Variants in NWD2 observed in about 807,000 individuals in gnomAD.
NWD2 encodes NACHT and WD repeat domain-containing protein 2.
In NWD2, 37 loss-of-function variants were observed where a neutral mutation model predicts 132.7. The observed-to-expected ratio is 0.28, with a 90% CI of 0.21 to 0.37. The LOEUF (loss-of-function observed/expected upper bound fraction) is 0.37, where lower values mean the gene tolerates loss of function less well. NWD2 is among the 10% of genes least tolerant of loss of function. The pLI is 1.00. For missense variants in NWD2, 1,592 were observed against 2,122.4 expected (o/e 0.75, Z 4.91); for synonymous variants, 705 against 803.0 (o/e 0.88, Z 2.06).
At position 37,279,712 on chromosome 4, in the gene NWD2, A is replaced by G. The variant is rs181413806; in HGVS notation, c.151+34494A>G. On this transcript the variant is annotated intron_variant, in intron 1 of 6. Transcript: ENST00000309447. The stretch of plus-strand genomic sequence containing the variant: ...TTACATGCAGATTATATTATCACCT[A>G]TAGCTAAGCCTAAACATTAACTCTA... Among the ~76,000 whole-genome samples the G allele has an allele frequency of 2.6e-5, 4 of 152,340 alleles. No individual in the cohort carries two copies. The East Asian group carries it at 7.7e-4, about 29-fold the overall frequency.
At chr4:37,362,477 G>A (rs542280777) in intron 3 of NWD2, among the ~76,000 whole-genome samples, 2 of 152,158 alleles carry the variant, frequency 1.3e-5, no homozygotes, top group Non-Finnish European at 2.9e-5. Flanking sequence ...CGGACACATA[G>A]ACAAATGGAA....
intron 3 of NWD2, among the ~76,000 whole-genome samples, chr4:37,376,653 A>G (rs1446109058): frequency 2.0e-5 from 3 of 152,168 alleles, no homozygotes; most frequent in East Asian, 3.9e-4. Context: ...CCATTTCCTC[A>G]TCTTTATTGA....
chr4:37,364,022 C>T (rs950676120), intron 3 of NWD2, among the ~76,000 whole-genome samples: 19 of 151,384 alleles, frequency 1.3e-4, no homozygotes, highest in African/African-American at 4.4e-4. Context: ...ATCCCAGCTA[C>T]TCGGGAGGCT....
chr4:37,430,843 G>A (rs1255400445), intron 4 of NWD2, 68 bp downstream of exon 4: 14 of 1,385,562 alleles, frequency 1.0e-5, no homozygotes, highest in African/African-American at 2.9e-5. Flanking sequence ...TATGTCATCC[G>A]GGGTGGTGCT....
rs528896195 is a variant in NWD2 at position 37,430,623 on chromosome 4, G to A, written c.409G>A (p.Ala137Thr). Residue 137 changes from alanine (A) to threonine (T), a missense_variant, in exon 4 of 7, where the codon GCC becomes ACC. Ala to Thr is a moderately conservative substitution (Grantham distance 58). Coordinates refer to ENST00000309447, the MANE Select transcript of NWD2 (RefSeq NM_001144990.2). Reference protein sequence around the residue: ...GNIRIPGEVEASEFEMILDAA... With the variant: ...GNIRIPGEVETSEFEMILDAA... ...TATCCGAATCCCTGGAGAAGTTGAA[G>A]CCTCAGAGTTTGAAATGATTTTGGA... The A allele has an allele frequency of 3.2e-6, 5 of 1,551,596 alleles. No homozygotes were observed. In the East Asian group the frequency reaches 9.8e-5, roughly 30 times the overall value.
At chr4:37,441,843 T>A (rs1235100480) in intron 6 of NWD2, among the ~76,000 whole-genome samples, 1 of 152,152 alleles carries the variant, frequency 6.6e-6, no homozygotes, top group Non-Finnish European at 1.5e-5. Flanking sequence ...GATATCTCAT[T>A]TTTATCTCAT....
chr4:37,328,477 G>A (rs1039969301), intron 2 of NWD2, among the ~76,000 whole-genome samples: 2 of 151,476 alleles, frequency 1.3e-5, no homozygotes, highest in Non-Finnish European at 2.9e-5. Flanking sequence ...GCCCACTTAT[G>A]AGTGAGAACA....
chr4:37,267,166 G>A (rs1717770612), intron 1 of NWD2, among the ~76,000 whole-genome samples: 2 of 152,050 alleles, frequency 1.3e-5, no homozygotes, highest in Admixed American at 1.3e-4. Context: ...CCTCTTCTAT[G>A]ACTGTACGGC....
At chr4:37,287,216 G>A (rs895033539) in intron 1 of NWD2, among the ~76,000 whole-genome samples, 1 of 152,196 alleles carries the variant, frequency 6.6e-6, no homozygotes, top group African/African-American at 2.4e-5. Flanking sequence ...TCCCAACCCT[G>A]GAGCTGCTCA....
chr4:37,370,707 G>A (rs1220855223), intron 3 of NWD2, among the ~76,000 whole-genome samples: 1 of 152,172 alleles, frequency 6.6e-6, no homozygotes. Context: ...TTTATCAGAT[G>A]AGATACGCTT....
rs1712595387 is a variant in NWD2, at chr4:37,445,017, C to A, written c.3029C>A (p.Ser1010Tyr). The change falls in exon 7 of 7, where the codon TCT becomes TAT. Residue 1010 changes from serine to tyrosine, a missense_variant. Around this residue, in one of 7 missense-constraint regions of NWD2, gnomAD observed 1,071 missense variants for 1,398.0 expected, o/e 0.77. Coordinates refer to ENST00000309447, the MANE Select transcript of NWD2 (RefSeq NM_001144990.2). This position sits in a 1 kb window ranked among gnomAD's most constrained non-coding sequence, Gnocchi z 4.7. ...CTCAGGCAAATCACCACAGCCCAGTCTGTCATCCTGGGCATGAAACTCACC... is the reference window on the plus strand; with the variant it reads ...CTCAGGCAAATCACCACAGCCCAGTATGTCATCCTGGGCATGAAACTCACC... Reference protein sequence around the residue: ...QLLRQITTAQSVILGMKLTSD... With the variant: ...QLLRQITTAQYVILGMKLTSD... The A allele has an allele frequency of 6.4e-7, 1 of 1,551,926 alleles. No homozygotes were observed. The highest frequency in any genetic ancestry group is 1.4e-5 in the African/African-American group (1 of 73,178).
At chr4:37,261,417 C>G (rs2076425380) in intron 1 of NWD2, among the ~76,000 whole-genome samples, 2 of 152,164 alleles carry the variant, frequency 1.3e-5, no homozygotes, top group Non-Finnish European at 2.9e-5. Flanking sequence ...CCGTATTTAT[C>G]ATAAACATTT....
At chr4:37,389,982 G>T (rs1438217561) in intron 3 of NWD2, among the ~76,000 whole-genome samples, 1 of 152,146 alleles carries the variant, frequency 6.6e-6, no homozygotes, top group African/African-American at 2.4e-5. Flanking sequence ...GTTTCACCAT[G>T]TTGGCCATCG....
chr4:37,431,619 G>A (rs2109326432), intron 4 of NWD2, among the ~76,000 whole-genome samples: 1 of 152,244 alleles, frequency 6.6e-6, no homozygotes, highest in Non-Finnish European at 1.5e-5. Flanking sequence ...GATCTCAAGT[G>A]TTCTTACCAC....
At chr4:37,386,438 G>A (rs758890717) in intron 3 of NWD2, among the ~76,000 whole-genome samples, 3 of 152,010 alleles carry the variant, frequency 2.0e-5, no homozygotes, top group Non-Finnish European at 4.4e-5. Context: ...GTGTCCCAGG[G>A]TAGGTCCTGG....
chr4:37,325,964 A>C lies in NWD2; in HGVS notation c.180A>C (p.Arg60Ser). ...EDTGAERQAL[R>S]ENVYPKLREF... ...CGGGAGCAGAAAGACAGGCGCTAAG[A>C]GAAAATGTATATCCTAAACTGAGAG... Residue 60 changes from arginine to serine, a missense_variant, in exon 2 of 7, where the codon AGA (arginine) becomes AGC (serine). Physicochemically the swap from Arg to Ser is moderately radical, Grantham distance 110. Around this residue, in one of 7 missense-constraint regions of NWD2, gnomAD observed 88 missense variants for 92.8 expected, o/e 0.95. Coordinates refer to ENST00000309447, the MANE Select transcript of NWD2 (RefSeq NM_001144990.2). 6.5e-7 allele frequency: 1 copy of C among 1,548,820 alleles called. No individual in the cohort carries two copies. Among genetic ancestry groups the C allele is most frequent in the South Asian group, 1.2e-5 (1 of 83,874 alleles).
intron 3 of NWD2, among the ~76,000 whole-genome samples, chr4:37,408,431 G>T (rs1195327889): frequency 6.6e-6 from 1 of 152,216 alleles, no homozygotes; most frequent in African/African-American, 2.4e-5. Context: ...TTCAAACTGG[G>T]TGGAGCCCAC....
At chr4:37,262,545 G>A (rs960348071) in intron 1 of NWD2, among the ~76,000 whole-genome samples, 10 of 152,264 alleles carry the variant, frequency 6.6e-5, no homozygotes, top group African/African-American at 2.4e-4. Context: ...TCTAGTAGCT[G>A]TGTTAAATCT....
At chr4:37,332,790 G>A (rs1051325641) in intron 2 of NWD2, among the ~76,000 whole-genome samples, 2 of 152,222 alleles carry the variant, frequency 1.3e-5, no homozygotes, top group Non-Finnish European at 2.9e-5. Context: ...GGCTCTTGGG[G>A]TTCCCAGTTC....
Sources: gnomAD v4.1 joint callset for allele counts (sites outside exome capture counted in the v4.1 genomes callset) on GRCh38, gnomAD v4.1.1 for gene constraint, gnomAD v4.1.1 regional missense constraint, Gnocchi (gnomAD v3.1) non-coding constraint, MANE v1.5 for transcripts, NCBI Gene and HGNC (gene_info 2026-07-23, HGNC 2026-07-21) for gene names.